The following LHFPL3 variants were observed in gnomAD, a reference collection of about 807,000 sequenced individuals.
LHFPL3 encodes the protein LHFPL tetraspan subfamily member 3, also known as LHFPL tetraspan subfamily member 3 protein.
LHFPL3 carries 5 observed loss-of-function variants against 19.3 expected under a neutral mutation model. That is an observed-to-expected ratio of 0.26 (90% CI 0.14 to 0.54). LHFPL3 has a LOEUF of 0.54. Ranked by LOEUF, LHFPL3 falls within the 20% of genes least tolerant of loss-of-function variation. The pLI, the probability that LHFPL3 is intolerant of heterozygous loss-of-function variation, is 0.94. For missense variants in LHFPL3, 249 were observed against 307.4 expected (o/e 0.81, Z 1.42); for synonymous variants, 133 against 126.2 (o/e 1.05, Z -0.36).
At chr7:104,790,113 T>C (rs1424876425) in intron 2 of LHFPL3, among the ~76,000 whole-genome samples, 1 of 152,184 alleles carries the variant, frequency 6.6e-6, no homozygotes, top group East Asian at 1.9e-4. Flanking sequence ...AGATGGACTG[T>C]GTTTATTCAC....
intron 1 of LHFPL3, among the ~76,000 whole-genome samples, chr7:104,634,118 T>C (rs1443712605): frequency 6.6e-6 from 1 of 152,268 alleles, no homozygotes; most frequent in Non-Finnish European, 1.5e-5. Flanking sequence ...TCATTTTCTA[T>C]AGTAGACATA....
intron 1 of LHFPL3, among the ~76,000 whole-genome samples, chr7:104,346,408 T>C (rs1443318889): frequency 1.3e-5 from 2 of 152,002 alleles, no homozygotes; most frequent in Non-Finnish European, 2.9e-5. Context: ...TAATATTCTA[T>C]TTCCTTTGCT....
chr7:104,725,449 T>C (rs926772052), intron 1 of LHFPL3, among the ~76,000 whole-genome samples: 4 of 152,264 alleles, frequency 2.6e-5, no homozygotes, highest in Non-Finnish European at 5.9e-5. Flanking sequence ...TTCAGTTTTC[T>C]TTTTTTCTTT....
At chr7:104,335,936 A>G (rs1789799965) in intron 1 of LHFPL3, among the ~76,000 whole-genome samples, 1 of 151,930 alleles carries the variant, frequency 6.6e-6, no homozygotes, top group Non-Finnish European at 1.5e-5. Flanking sequence ...GTGTGGTATC[A>G]GGAGATGAAC....
At chr7:104,629,548 G>C (rs1270896761) in intron 1 of LHFPL3, among the ~76,000 whole-genome samples, 1 of 152,168 alleles carries the variant, frequency 6.6e-6, no homozygotes, top group Non-Finnish European at 1.5e-5. Context: ...ATGGAAGCTG[G>C]TTAGCAGGCC....
intron 1 of LHFPL3, among the ~76,000 whole-genome samples, chr7:104,721,828 A>T (rs1793498081): frequency 6.6e-6 from 1 of 152,218 alleles, no homozygotes; most frequent in Admixed American, 6.5e-5. Flanking sequence ...GGAGAATCAA[A>T]TGAGATGATG....
chr7:104,354,814 G>C (rs1790243486), intron 1 of LHFPL3, among the ~76,000 whole-genome samples: 1 of 151,796 alleles, frequency 6.6e-6, no homozygotes, highest in African/African-American at 2.4e-5. Context: ...ATTATAAAAA[G>C]GTGAAAGGAG....
At chr7:104,438,749 T>A (rs1004283272) in intron 1 of LHFPL3, among the ~76,000 whole-genome samples, 4 of 151,480 alleles carry the variant, frequency 2.6e-5, no homozygotes, top group Admixed American at 1.3e-4. Context: ...AAATAACATA[T>A]TAGGAACAGA....
intron 2 of LHFPL3, among the ~76,000 whole-genome samples, chr7:104,857,919 A>G (rs1192663129): frequency 2.0e-5 from 3 of 152,194 alleles, no homozygotes; most frequent in Non-Finnish European, 4.4e-5. Flanking sequence ...TGTGGTTTGC[A>G]ATCATTACTA....
At chr7:104,608,192 C>T (rs1460760663) in intron 1 of LHFPL3, among the ~76,000 whole-genome samples, 1 of 151,990 alleles carries the variant, frequency 6.6e-6, no homozygotes, top group Non-Finnish European at 1.5e-5. Flanking sequence ...AAGACACATG[C>T]ACACGTATGT....
intron 1 of LHFPL3, among the ~76,000 whole-genome samples, chr7:104,623,316 C>T (rs1290468245): frequency 6.6e-6 from 1 of 151,810 alleles, no homozygotes; most frequent in African/African-American, 2.4e-5. Context: ...TTCTGAGTAA[C>T]TTCTGATACT....
At chr7:104,670,413 C>A (rs913129335) in intron 1 of LHFPL3, among the ~76,000 whole-genome samples, 3 of 152,082 alleles carry the variant, frequency 2.0e-5, no homozygotes, top group African/African-American at 4.8e-5. Flanking sequence ...TAAACACTGT[C>A]CTTTTTGAAA....
At chr7:104,843,479 T>G (rs1169157761) in intron 2 of LHFPL3, among the ~76,000 whole-genome samples, 1 of 152,258 alleles carries the variant, frequency 6.6e-6, no homozygotes, top group Admixed American at 6.5e-5. Context: ...CTCAACATTC[T>G]TCCTCTCTGT....
At chr7:104,349,268 GATATTA>G (rs1345331670) in intron 1 of LHFPL3, among the ~76,000 whole-genome samples, 1 of 152,176 alleles carries the variant, frequency 6.6e-6, no homozygotes, top group Non-Finnish European at 1.5e-5. Flanking sequence ...TGTCCTAAGA[GATATTA>G]ATAATTGTTT....
chr7:104,687,203 A>G (rs1792822957), intron 1 of LHFPL3, among the ~76,000 whole-genome samples: 2 of 152,242 alleles, frequency 1.3e-5, no homozygotes, highest in Admixed American at 1.3e-4. Flanking sequence ...CCTACTTATT[A>G]TAAAGGATAT....
intron 1 of LHFPL3, among the ~76,000 whole-genome samples, chr7:104,659,655 T>A (rs1792187509): frequency 6.6e-6 from 1 of 152,132 alleles, no homozygotes; most frequent in Admixed American, 6.6e-5. Flanking sequence ...TTAAAGCCAT[T>A]CTAGTGCAGT....
chr7:104,468,658 CT>C (rs11388073), intron 1 of LHFPL3, among the ~76,000 whole-genome samples: 25,948 of 137,112 alleles, frequency 0.19, 2,499 homozygotes, highest in African/African-American at 0.27. Context: ...TTGTATAAAC[CT>C]TTTTTTTTTT....
chr7:104,642,636 G>C (rs971487134), intron 1 of LHFPL3, among the ~76,000 whole-genome samples: 1 of 152,138 alleles, frequency 6.6e-6, no homozygotes, highest in African/African-American at 2.4e-5. Context: ...TAAATGTAGA[G>C]ATTCTTACCT....
intron 1 of LHFPL3, among the ~76,000 whole-genome samples, chr7:104,554,684 TA>T (rs1794728846): frequency 7.6e-6 from 1 of 130,874 alleles, no homozygotes; most frequent in African/African-American, 3.1e-5. Context: ...GATAGATAGA[TA>T]GATAGACAGA....
Sources: gnomAD v4.1 joint callset for allele counts (sites outside exome capture counted in the v4.1 genomes callset) on GRCh38, gnomAD v4.1.1 for gene constraint, MANE v1.5 for transcripts, NCBI Gene and HGNC (gene_info 2026-07-23, HGNC 2026-07-21) for gene names.